Variants in CUL2 observed in about 807,000 individuals in gnomAD.
CUL2 encodes the protein cullin 2, also known as cullin-2.
In CUL2, 22 loss-of-function variants were observed where a neutral mutation model predicts 110.2. That is an observed-to-expected ratio of 0.20 (90% CI 0.14 to 0.28). The LOEUF is 0.28. Ranked by LOEUF, CUL2 falls within the 10% of genes least tolerant of loss-of-function variation. The probability of loss-of-function intolerance (pLI) is 1.00; values close to 1 mark genes in which losing one functional copy is unlikely to be tolerated. For synonymous variants in CUL2, 279 were observed against 293.2 expected (o/e 0.95, Z 0.49); for missense variants, 631 against 905.5 (o/e 0.70, Z 3.89).
chr10:35,061,897 C>T (rs141347911), intron 3 of CUL2, among the ~76,000 whole-genome samples: 147 of 151,942 alleles, frequency 9.7e-4, no homozygotes, highest in African/African-American at 1.5e-3. Flanking sequence ...TGTAAGCCAC[C>T]GCACCAGGCC....
intron 1 of CUL2, among the ~76,000 whole-genome samples, chr10:35,077,993 T>C (rs1485780817): frequency 6.6e-6 from 1 of 152,212 alleles, no homozygotes; most frequent in Middle Eastern, 3.4e-3. Flanking sequence ...TTTGTATGTG[T>C]TTACAATTTT....
At chr10:35,035,359 G>T in intron 9 of CUL2, 63 bp from the exon 10 acceptor site, 1 of 1,561,966 alleles carries the variant, frequency 6.4e-7, no homozygotes, top group Non-Finnish European at 8.8e-7. Context: ...GGTAATATAT[G>T]GATCCAAGTG....
At chr10:35,098,458 CACCTGTAAT>C (rs2087330464) in intron 2 of CUL2, among the ~76,000 whole-genome samples, 1 of 152,000 alleles carries the variant, frequency 6.6e-6, no homozygotes, top group African/African-American at 2.4e-5. Flanking sequence ...CGGTGGCTTA[CACCTGTAAT>C]ACCAGCACTT....
intron 5 of CUL2, among the ~76,000 whole-genome samples, chr10:35,051,380 G>A (rs988327041): frequency 2.0e-5 from 3 of 151,874 alleles, no homozygotes; most frequent in Non-Finnish European, 4.4e-5. Context: ...TTGGGAGGCC[G>A]AGGCGGGCGG....
intron 16 of CUL2, among the ~76,000 whole-genome samples, chr10:35,027,143 CTTTTTT>C (rs35508150): frequency 1.6e-5 from 2 of 127,590 alleles, no homozygotes. Context: ...ACTTTAGATA[CTTTTTT>C]TTTTTTTTTT....
upstream of CUL2, among the ~76,000 whole-genome samples, chr10:35,092,527 C>G (rs953945772): frequency 3.3e-5 from 5 of 152,236 alleles, no homozygotes; most frequent in Non-Finnish European, 7.3e-5. Context: ...AGTACACATG[C>G]ACTTCTGCAT....
intron 1 of CUL2, among the ~76,000 whole-genome samples, chr10:35,076,301 G>A (rs2086815692): frequency 6.6e-6 from 1 of 152,140 alleles, no homozygotes; most frequent in South Asian, 2.1e-4. Context: ...CCAACAGGGT[G>A]AGGAAAATGC....
chr10:35,018,400 T>C (rs2085099849), intron 17 of CUL2, among the ~76,000 whole-genome samples: 1 of 151,618 alleles, frequency 6.6e-6, no homozygotes, highest in African/African-American at 2.4e-5. Flanking sequence ...CCCCAGAGAC[T>C]GCATTTTCCC....
At chr10:35,099,207 A>G (rs1473380254) in intron 2 of CUL2, among the ~76,000 whole-genome samples, 2 of 151,892 alleles carry the variant, frequency 1.3e-5, no homozygotes, top group African/African-American at 2.4e-5. Context: ...CCTGGCCAAC[A>G]TGGTTAAAAC....
chr10:35,077,331 A>T (rs914322895), intron 1 of CUL2, among the ~76,000 whole-genome samples: 1 of 147,376 alleles, frequency 6.8e-6, no homozygotes, highest in African/African-American at 2.5e-5. Flanking sequence ...ACAAACAAAC[A>T]AAAAAAACAA....
At chr10:35,087,788 G>T (rs2087099775) in intron 1 of CUL2, among the ~76,000 whole-genome samples, 1 of 152,114 alleles carries the variant, frequency 6.6e-6, no homozygotes, top group South Asian at 2.1e-4. Flanking sequence ...CTTCTCACTG[G>T]TCTCCTTGTG....
intron 1 of CUL2, among the ~76,000 whole-genome samples, chr10:35,115,665 A>G (rs1011934856): frequency 2.0e-5 from 3 of 151,816 alleles, no homozygotes; most frequent in African/African-American, 7.3e-5. Context: ...AGGCCAAGGC[A>G]TGAGGATCAC....
In CUL2 at chr10:35,029,602, C is replaced by A; in HGVS notation, c.1425G>T (p.Arg475=). Residue 475 remains arginine, a synonymous_variant, in exon 15 of 21, where the codon CGG becomes CGT. Coordinates refer to ENST00000374749, the MANE Select transcript of CUL2 (RefSeq NM_003591.4). The stretch of plus-strand genomic sequence containing the variant: ...CGCTGACACTCATATCTGTATACAT[C>A]CGATGTAGCTTGCTGGTAAACTCAT... ...CGYEFTSKLH[R]MYTDMSVSAD... The A allele has an allele frequency of 6.3e-7, 1 of 1,592,288 alleles. No individual in the cohort carries two copies. Among genetic ancestry groups the A allele is most frequent in the Non-Finnish European group, 8.5e-7 (1 of 1,173,712 alleles).
intron 1 of CUL2, among the ~76,000 whole-genome samples, chr10:35,108,121 G>C (rs2087485538): frequency 6.6e-6 from 1 of 151,902 alleles, no homozygotes; most frequent in African/African-American, 2.4e-5. Flanking sequence ...ATGGATGCAG[G>C]CTGATCAGTT....
Position 35,054,485 on chromosome 10 carries a change from C to A in CUL2, c.372G>T (p.Gln124His). ...KKNKLTEADL[Q>H]YGYGGVDMNE... ...TCATATCTACACCACCATAGCCATA[C>A]TGAAGGTCCGCTTCTGTTAATTTAT... Residue 124 changes from glutamine to histidine, a missense_variant, in exon 5 of 21, where the codon CAG becomes CAT. By Grantham distance (24) the Gln-to-His change is conservative (BLOSUM62 0). Transcript: ENST00000374749. 6.3e-7 allele frequency: 1 copy of A among 1,595,300 alleles called. No homozygotes were observed. The highest frequency in any genetic ancestry group is 8.5e-7 in the Non-Finnish European group (1 of 1,172,330).
In CUL2 at chr10:35,071,326, T is replaced by G. The variant is rs2086671547; in HGVS notation, c.-9A>C. 5 of 1,611,318 alleles carry G rather than the reference T, an allele frequency of 3.1e-6. No homozygotes were observed. In the Admixed American group the frequency reaches 8.4e-5, roughly 27 times the overall value. On this transcript the variant is annotated 5_prime_UTR_variant, in exon 2 of 21. Coordinates refer to ENST00000374749, the MANE Select transcript of CUL2 (RefSeq NM_003591.4). ...CTTGGTTTCAAAGACATTGTGCAAG[T>G]GTAGTGTTGAAATCTGTCAATTAAA... is the stretch of plus-strand genomic sequence containing the variant.
chr10:35,010,306 C>A lies in CUL2; in HGVS notation c.*5G>T. 1 of 1,601,488 alleles carries A rather than the reference C, an allele frequency of 6.2e-7. No individual in the cohort carries two copies. On this transcript the variant is annotated 3_prime_UTR_variant, in exon 21 of 21. Coordinates refer to ENST00000374749, the MANE Select transcript of CUL2 (RefSeq NM_003591.4). Reference sequence around the variant, plus strand: ...CTTCTCACACCACGCTGGAGGAGAGCGACATCACGCGACGTAGCTGTATTC... The same window carrying A: ...CTTCTCACACCACGCTGGAGGAGAGAGACATCACGCGACGTAGCTGTATTC...
intron 1 of CUL2, among the ~76,000 whole-genome samples, chr10:35,080,477 ATTTT>A (rs969011064): frequency 2.3e-5 from 3 of 129,762 alleles, no homozygotes; most frequent in African/African-American, 8.5e-5. Context: ...TTATTTATTT[ATTTT>A]TGAGACAGGG....
At chr10:35,073,581 TTTTC>T (rs2135002558) in intron 1 of CUL2, among the ~76,000 whole-genome samples, 1 of 151,914 alleles carries the variant, frequency 6.6e-6, no homozygotes, top group Non-Finnish European at 1.5e-5. Flanking sequence ...TTTTCTTTTC[TTTTC>T]TTTTTTTTTT....
Sources: gnomAD v4.1 joint callset for allele counts (sites outside exome capture counted in the v4.1 genomes callset) on GRCh38, gnomAD v4.1.1 for gene constraint, MANE v1.5 for transcripts, NCBI Gene and HGNC (gene_info 2026-07-23, HGNC 2026-07-21) for gene names.